Variants in BTBD8 observed in about 807,000 individuals in gnomAD.
BTBD8 encodes BTB domain containing 8, also known as BTB/POZ domain-containing protein 8.
In BTBD8, 110 loss-of-function variants were observed where a neutral mutation model predicts 162.9. That is an observed-to-expected ratio of 0.68 (90% CI 0.58 to 0.79). The LOEUF (loss-of-function observed/expected upper bound fraction) is 0.79. Among genes scored for constraint, BTBD8 ranks in the 30% least tolerant of loss-of-function variants. BTBD8 has a pLI of 0.00. For missense variants in BTBD8, 1,905 were observed against 2,085.4 expected, an observed-to-expected ratio of 0.91 and a Z score of 1.68; for synonymous variants, 667 against 716.1, an observed-to-expected ratio of 0.93 and a Z score of 1.10.
intron 7 of BTBD8, among the ~76,000 whole-genome samples, chr1:92,145,296 C>T (rs143801749): frequency 2.0e-4 from 31 of 152,062 alleles, no homozygotes; most frequent in Non-Finnish European, 3.8e-4. Flanking sequence ...TAATATAACA[C>T]TTTTAGGAGA....
At chr1:92,084,211 AT>A (rs1648095564) in intron 1 of BTBD8, among the ~76,000 whole-genome samples, 2 of 152,108 alleles carry the variant, frequency 1.3e-5, no homozygotes, top group African/African-American at 4.8e-5. Context: ...TAGTTTTCTC[AT>A]CTTCATTCTC....
At chr1:92,119,991 C>A (rs1420401378) in intron 4 of BTBD8, among the ~76,000 whole-genome samples, 1 of 144,054 alleles carries the variant, frequency 6.9e-6, no homozygotes, top group East Asian at 2.1e-4. Context: ...ACCTCTACCT[C>A]CTGGGTTCAA....
At chr1:92,135,247 G>A (rs749568595) in intron 5 of BTBD8, among the ~76,000 whole-genome samples, 5 of 151,774 alleles carry the variant, frequency 3.3e-5, no homozygotes, top group Admixed American at 6.6e-5. Context: ...GTGCAGTTGC[G>A]CGAACTTGGC....
chr1:92,121,697 T>C (rs1247620877), intron 4 of BTBD8, among the ~76,000 whole-genome samples: 1 of 152,180 alleles, frequency 6.6e-6, no homozygotes, highest in Non-Finnish European at 1.5e-5. Flanking sequence ...TTTCGTCAAC[T>C]AAAAAGTCCC....
intron 2 of BTBD8, among the ~76,000 whole-genome samples, chr1:92,095,192 A>T (rs1025291617): frequency 1.3e-5 from 2 of 152,184 alleles, no homozygotes; most frequent in Non-Finnish European, 2.9e-5. Context: ...AGGAGATAAC[A>T]TTCTTTTCCC....
At chr1:92,169,325 C>T (rs996783119) in intron 12 of BTBD8, among the ~76,000 whole-genome samples, 1 of 152,088 alleles carries the variant, frequency 6.6e-6, no homozygotes, top group African/African-American at 2.4e-5. Context: ...AACAGAGTAT[C>T]GAACATACTT....
Position 92,118,278 on chromosome 1 carries a change from CTTTCTTTT to C in BTBD8, c.662+10281_662+10288del. The stretch of plus-strand genomic sequence containing the variant: ...CTCTTGGCTGTAACAGTTTTTCAGA[CTTTCTTTT>C]TTTTTTTTTTTTTTTTGATGACATT... On this transcript the variant is annotated intron_variant, in intron 4 of 17. Coordinates refer to ENST00000636805, the MANE Select transcript of BTBD8 (RefSeq NM_001376131.1). 3.8e-5 allele frequency among the ~76,000 whole-genome samples: 4 copies of C among 104,030 alleles called. No homozygotes were observed. The South Asian group carries it at 1.2e-3, about 30-fold the overall frequency. The allele number at this position is 104,030 out of a possible 152,430, so 68.2% of individuals were successfully genotyped here. A position where few individuals can be genotyped will look rare whatever the true frequency, so the allele number is the denominator to read the frequency against.
intron 5 of BTBD8, among the ~76,000 whole-genome samples, chr1:92,132,782 T>C (rs1406747583): frequency 1.3e-5 from 2 of 152,228 alleles, no homozygotes; most frequent in Admixed American, 6.5e-5. Flanking sequence ...GGCTCACCTC[T>C]AATTGGCTTA....
chr1:92,109,766 T>C (rs1464051740), intron 4 of BTBD8, among the ~76,000 whole-genome samples: 1 of 152,190 alleles, frequency 6.6e-6, no homozygotes, highest in East Asian at 1.9e-4. Context: ...TAATACATAT[T>C]CATCTAAAGC....
intron 4 of BTBD8, among the ~76,000 whole-genome samples, chr1:92,121,757 C>T (rs1163038468): frequency 1.3e-5 from 2 of 152,112 alleles, no homozygotes; most frequent in South Asian, 2.1e-4. Context: ...CCACAGGCAA[C>T]AAATGATTTT....
At chr1:92,164,398 A>G (rs2100663501) in intron 9 of BTBD8, among the ~76,000 whole-genome samples, 1 of 152,232 alleles carries the variant, frequency 6.6e-6, no homozygotes, top group Admixed American at 6.5e-5. Flanking sequence ...CGGGTGGATC[A>G]CTTGAAGCCA....
intron 9 of BTBD8, among the ~76,000 whole-genome samples, chr1:92,165,435 T>C (rs923398573): frequency 9.2e-5 from 14 of 152,208 alleles, no homozygotes; most frequent in Middle Eastern, 3.4e-3. Context: ...CAACAGATTT[T>C]CTTATAGTGT....
intron 5 of BTBD8, among the ~76,000 whole-genome samples, chr1:92,134,849 C>T (rs1372128798): frequency 1.3e-5 from 2 of 151,122 alleles, no homozygotes; most frequent in Non-Finnish European, 2.9e-5. Flanking sequence ...TTAGAAAGGA[C>T]ACAATGAAGC....
chr1:92,172,132 G>T (rs1481270452), intron 13 of BTBD8, among the ~76,000 whole-genome samples: 1 of 152,018 alleles, frequency 6.6e-6, no homozygotes, highest in Admixed American at 6.6e-5. Flanking sequence ...TGTATTTTTG[G>T]TGTTTTTGAA....
In BTBD8 at chr1:92,176,805, A is replaced by C. The variant is rs747719074; in HGVS notation, c.1636-24A>C. 22 of 1,121,764 alleles carry C rather than the reference A, an allele frequency of 2.0e-5. No individual in the cohort carries two copies. The South Asian group carries it at 4.2e-4, about 22-fold the overall frequency. The allele number at this position is 1,121,764 out of a possible 1,614,324, so 69.5% of individuals were successfully genotyped here. ...TGTTAAAGATTTCAGTCAAATTACAAAGTATTTTTTTTCTTTTTTATAGCA... is the reference window on the plus strand; with the variant it reads ...TGTTAAAGATTTCAGTCAAATTACACAGTATTTTTTTTCTTTTTTATAGCA... On this transcript the variant is annotated intron_variant, in intron 13 of 17. Coordinates refer to ENST00000636805, the MANE Select transcript of BTBD8 (RefSeq NM_001376131.1).
chr1:92,088,938 T>G (rs930650851), intron 2 of BTBD8, 43 bp downstream of exon 2: 2 of 1,456,672 alleles, frequency 1.4e-6, no homozygotes, highest in Non-Finnish European at 1.9e-6. Context: ...ATGTAATTGC[T>G]TATTTTTAAC....
At chr1:92,103,589 A>G (rs1648653086) in intron 3 of BTBD8, among the ~76,000 whole-genome samples, 1 of 152,198 alleles carries the variant, frequency 6.6e-6, no homozygotes, top group African/African-American at 2.4e-5. Context: ...GGATTGCACC[A>G]CAGAAAAGGA....
intron 16 of BTBD8, among the ~76,000 whole-genome samples, chr1:92,179,997 G>C (rs515280): frequency 0.75 from 113,355 of 151,942 alleles, 43,664 homozygotes; most frequent in East Asian, 0.97. Flanking sequence ...AATCAAGTCT[G>C]TTTACTTGAG....
chr1:92,167,896 GCAATTGAAGAAAATATCAC>G lies in BTBD8; in HGVS notation c.1357_1375del (p.Ile453LeufsTer15). On this transcript the variant is annotated frameshift_variant, in exon 11 of 18. Coordinates refer to ENST00000636805, the MANE Select transcript of BTBD8 (RefSeq NM_001376131.1). LOFTEE classifies it high-confidence loss of function. ...CGATCTGTTGGACACAATTTTAAAA[GCAATTGAAGAAAATATCAC>G]CACTGAAAATAGCTGCTCTCTTCTT... 6.4e-7 allele frequency: 1 copy of G among 1,550,982 alleles called. No individual in the cohort carries two copies. Among genetic ancestry groups the G allele is most frequent in the Non-Finnish European group, 8.7e-7 (1 of 1,146,456 alleles).
Sources: allele counts gnomAD v4.1 joint callset (sites outside exome capture counted in the v4.1 genomes callset), GRCh38; gene constraint gnomAD v4.1.1; transcripts MANE v1.5; gene names NCBI Gene and HGNC (gene_info 2026-07-23, HGNC 2026-07-21).